ZNF423: variants seen among roughly 807,000 people sequenced by gnomAD.
ZNF423 encodes the protein zinc finger protein 423.
In ZNF423, 12 loss-of-function variants were observed where a neutral mutation model predicts 95.8. That is an observed-to-expected ratio of 0.13 (90% CI 0.08 to 0.20). ZNF423 has a LOEUF of 0.20. ZNF423 is among the 10% of genes least tolerant of loss of function. The pLI is 1.00. For missense variants in ZNF423, 1,316 were observed against 1,737.1 expected, an observed-to-expected ratio of 0.76 and a Z score of 4.31; for synonymous variants, 749 against 711.9, an observed-to-expected ratio of 1.05 and a Z score of -0.83.
chr16:49,635,566 T>TG lies in ZNF423; in HGVS notation c.3516+93dup. ...GCCACTGCGCGATAGCGCCGCTTCTTGGAAACACGGCACTCAGGGTACGTG... is the reference window on the plus strand; with the variant it reads ...GCCACTGCGCGATAGCGCCGCTTCTTGGGAAACACGGCACTCAGGGTACGTG... On this transcript the variant is annotated intron_variant, in intron 4 of 7. Coordinates refer to ENST00000563137, the MANE Select transcript of ZNF423 (RefSeq NM_001379286.1). This position sits in a 1 kb window ranked among gnomAD's most constrained non-coding sequence, Gnocchi z 4.8. The TG allele has an allele frequency of 6.8e-7, 1 of 1,462,860 alleles. No homozygotes were observed. Among genetic ancestry groups the TG allele is most frequent in the Non-Finnish European group, 9.1e-7 (1 of 1,101,632 alleles). 90.6% of individuals were successfully genotyped at this position (1,462,860 alleles called of 1,614,324 possible).
rs571130091 is a variant in ZNF423, at chr16:49,529,391, C to T, written c.3602-3897G>A. On this transcript the variant is annotated intron_variant, in intron 5 of 7. Coordinates refer to ENST00000563137, the MANE Select transcript of ZNF423 (RefSeq NM_001379286.1). Reference sequence around the variant, plus strand: ...AGCAGGAAAATCCCAAAGTCCCTGTCTCTCCTTTCTCCCTCCTCTGCTCAG... The same window carrying T: ...AGCAGGAAAATCCCAAAGTCCCTGTTTCTCCTTTCTCCCTCCTCTGCTCAG... 2.0e-5 allele frequency among the ~76,000 whole-genome samples: 3 copies of T among 152,292 alleles called. No individual in the cohort carries two copies. The East Asian group carries it at 5.8e-4, about 29-fold the overall frequency.
chr16:49,664,126 C>G, intron 3 of ZNF423: 2 of 985,590 alleles, frequency 2.0e-6, no homozygotes, highest in Non-Finnish European at 2.4e-6. Context: ...CCAGGGCAAA[C>G]TGGCCGATGC....
intron 7 of ZNF423, among the ~76,000 whole-genome samples, chr16:49,514,212 A>ACACACG (rs1555502862): frequency 4.6e-5 from 2 of 43,348 alleles, no homozygotes; most frequent in South Asian, 4.6e-4. Context: ...ACACACACAC[A>ACACACG]TGCACACGCA....
chr16:49,532,382 C>A (rs1316001971), intron 5 of ZNF423, among the ~76,000 whole-genome samples: 1 of 152,174 alleles, frequency 6.6e-6, no homozygotes, highest in Admixed American at 6.5e-5. Context: ...ACGCTGCTCC[C>A]ATTTTGGGCT....
intron 1 of ZNF423, among the ~76,000 whole-genome samples, chr16:49,844,578 CCT>C (rs1409752722): frequency 1.3e-5 from 2 of 152,194 alleles, no homozygotes; most frequent in African/African-American, 4.8e-5. Flanking sequence ...GCCTGTGCTC[CCT>C]CTCAGTTCAC....
intron 3 of ZNF423, among the ~76,000 whole-genome samples, chr16:49,708,932 G>C (rs2032450992): frequency 6.6e-6 from 1 of 151,884 alleles, no homozygotes; most frequent in Non-Finnish European, 1.5e-5. Context: ...ATGGGCGGGG[G>C]GTAAAGATTC....
At chr16:49,719,627 T>C (rs2032807363) in intron 3 of ZNF423, among the ~76,000 whole-genome samples, 1 of 152,074 alleles carries the variant, frequency 6.6e-6, no homozygotes, top group African/African-American at 2.4e-5. Flanking sequence ...TCACAAGATG[T>C]GGTTGTTTAA....
At chr16:49,529,901 G>A (rs945867432) in intron 5 of ZNF423, among the ~76,000 whole-genome samples, 5 of 152,098 alleles carry the variant, frequency 3.3e-5, no homozygotes, top group African/African-American at 1.2e-4. Context: ...TCTCTTAGCA[G>A]GAACCCCCCT....
chr16:49,528,651 T>C (rs566128553), intron 5 of ZNF423, among the ~76,000 whole-genome samples: 2 of 152,330 alleles, frequency 1.3e-5, no homozygotes, highest in East Asian at 3.9e-4. Flanking sequence ...CAAGACCTTT[T>C]GATTTGCAAA....
chr16:49,735,839 C>T (rs1233771030), intron 2 of ZNF423, among the ~76,000 whole-genome samples: 2 of 152,254 alleles, frequency 1.3e-5, no homozygotes, highest in African/African-American at 4.8e-5. Context: ...GCTCCAAACA[C>T]CATGCGGCTG....
chr16:49,760,273 G>A (rs962358929), intron 2 of ZNF423, among the ~76,000 whole-genome samples: 4 of 133,696 alleles, frequency 3.0e-5, no homozygotes, highest in African/African-American at 8.4e-5. Context: ...ATGGATGGAT[G>A]AATGGGTGGA....
intron 2 of ZNF423, among the ~76,000 whole-genome samples, chr16:49,737,719 C>T (rs1371756642): frequency 6.6e-6 from 1 of 152,232 alleles, no homozygotes; most frequent in Admixed American, 6.5e-5. Context: ...GAGAACAGCA[C>T]ATTTCCTACC....
chr16:49,534,548 C>T (rs1296777085), intron 5 of ZNF423, among the ~76,000 whole-genome samples: 1 of 152,190 alleles, frequency 6.6e-6, no homozygotes, highest in African/African-American at 2.4e-5. Flanking sequence ...CTACCACGCC[C>T]AGCCTGCCAT....
intron 5 of ZNF423, among the ~76,000 whole-genome samples, chr16:49,592,054 T>C (rs1045191612): frequency 2.0e-5 from 3 of 152,258 alleles, no homozygotes; most frequent in Non-Finnish European, 2.9e-5. Context: ...CAATAAAGGG[T>C]TATTACATTA....
intron 3 of ZNF423, among the ~76,000 whole-genome samples, chr16:49,704,221 G>C (rs2032281541): frequency 6.6e-6 from 1 of 152,068 alleles, no homozygotes; most frequent in Non-Finnish European, 1.5e-5. Flanking sequence ...AAAAGGAGAA[G>C]GGAAGAATCT....
At chr16:49,590,382 C>T (rs995923355) in intron 5 of ZNF423, among the ~76,000 whole-genome samples, 3 of 152,074 alleles carry the variant, frequency 2.0e-5, no homozygotes, top group East Asian at 1.9e-4. Context: ...GCACTCACAC[C>T]GGCCACGTTT....
At chr16:49,659,584 A>T (rs981419362) in intron 3 of ZNF423, among the ~76,000 whole-genome samples, 3 of 152,344 alleles carry the variant, frequency 2.0e-5, no homozygotes, top group South Asian at 2.1e-4. Context: ...AAATGTTGAG[A>T]TGTGGGGTTT....
chr16:49,644,396 T>C (rs1401498109), intron 3 of ZNF423, among the ~76,000 whole-genome samples: 1 of 151,656 alleles, frequency 6.6e-6, no homozygotes. Flanking sequence ...GGCTCATGCC[T>C]GTAATCCCTG....
At chr16:49,703,701 G>A (rs184568775) in intron 3 of ZNF423, among the ~76,000 whole-genome samples, 5 of 152,262 alleles carry the variant, frequency 3.3e-5, no homozygotes, top group East Asian at 1.9e-4. Context: ...GGGTGGATCC[G>A]GCTCTGCTGA....
Sources: allele counts gnomAD v4.1 joint callset (sites outside exome capture counted in the v4.1 genomes callset), GRCh38; gene constraint gnomAD v4.1.1; non-coding constraint Gnocchi (gnomAD v3.1); transcripts MANE v1.5; gene names NCBI Gene and HGNC (gene_info 2026-07-23, HGNC 2026-07-21).